The following MED13L variants were observed in gnomAD, a reference collection of about 807,000 sequenced individuals.
The protein encoded by MED13L is mediator of RNA polymerase II transcription subunit 13-like.
A neutral mutation model predicts 220.9 loss-of-function variants in MED13L; 7 were observed. That is an observed-to-expected ratio of 0.03 (90% CI 0.02 to 0.06). MED13L has a LOEUF of 0.06. MED13L is among the 10% of genes least tolerant of loss of function. MED13L has a pLI of 1.00. For missense variants in MED13L, 1,965 were observed against 2,760.5 expected, an observed-to-expected ratio of 0.71 and a Z score of 6.46; for synonymous variants, 1,011 against 1,015.2, an observed-to-expected ratio of 1.00 and a Z score of 0.08.
intron 30 of MED13L, among the ~76,000 whole-genome samples, chr12:115,963,007 C>A (rs1236098300): frequency 6.6e-6 from 1 of 152,088 alleles, no homozygotes; most frequent in African/African-American, 2.4e-5. Flanking sequence ...GGTGACAGAG[C>A]GAGACTCCAT....
At chr12:116,242,860 G>A (rs1870779150) in intron 1 of MED13L, among the ~76,000 whole-genome samples, 1 of 152,162 alleles carries the variant, frequency 6.6e-6, no homozygotes, top group African/African-American at 2.4e-5. Context: ...TTTCCATTCT[G>A]CCATGCTGCT....
At chr12:116,091,385 T>C (rs1872197158) in intron 4 of MED13L, among the ~76,000 whole-genome samples, 1 of 152,102 alleles carries the variant, frequency 6.6e-6, no homozygotes. Flanking sequence ...AAGGAAAAAC[T>C]AGAAGAGTTG....
At chr12:115,975,877 G>C (rs1388152288) in intron 23 of MED13L, 139 bp from the exon 24 acceptor site, 6 of 761,842 alleles carry the variant, frequency 7.9e-6, no homozygotes, top group Non-Finnish European at 1.3e-5. Flanking sequence ...CAGTACTAGA[G>C]ACACATAAAT....
chr12:116,190,941 A>T (rs1353526378), intron 2 of MED13L, among the ~76,000 whole-genome samples: 1 of 151,770 alleles, frequency 6.6e-6, no homozygotes, highest in Non-Finnish European at 1.5e-5. Flanking sequence ...AAAATACAAA[A>T]ATTAGTCGGG....
At chr12:116,035,010 A>G (rs1255096707) in intron 4 of MED13L, among the ~76,000 whole-genome samples, 1 of 152,126 alleles carries the variant, frequency 6.6e-6, no homozygotes, top group African/African-American at 2.4e-5. Flanking sequence ...CTCAAAAACA[A>G]AAACAAAACA....
At chr12:116,116,912 G>A (rs1374969667) in intron 2 of MED13L, among the ~76,000 whole-genome samples, 1 of 149,634 alleles carries the variant, frequency 6.7e-6, no homozygotes, top group Non-Finnish European at 1.5e-5. Flanking sequence ...CATCCTTCTA[G>A]GTATATACTC....
rs568959860 is a variant in MED13L at position 116,029,564 on chromosome 12, T to C, written c.480-6963A>G. On this transcript the variant is annotated intron_variant, in intron 4 of 30. Coordinates refer to ENST00000281928, the MANE Select transcript of MED13L (RefSeq NM_015335.5). The stretch of plus-strand genomic sequence containing the variant: ...AAAGTTAAAAAAATGTAGAAAATCA[T>C]ATGCCAGATGAATTCTAACAAGAAA... Among the ~76,000 whole-genome samples the C allele has an allele frequency of 5.3e-5, 8 of 152,186 alleles. No homozygotes were observed. In the East Asian group the frequency reaches 1.5e-3, roughly 29 times the overall value.
chr12:116,253,756 T>G (rs945295378), intron 1 of MED13L, among the ~76,000 whole-genome samples: 3 of 120,076 alleles, frequency 2.5e-5, no homozygotes, highest in South Asian at 3.0e-4. Context: ...TTTTTTTGTT[T>G]TTTTTTTTTT....
At chr12:116,231,666 A>G (rs1869569257) in intron 2 of MED13L, among the ~76,000 whole-genome samples, 1 of 152,206 alleles carries the variant, frequency 6.6e-6, no homozygotes. Flanking sequence ...AATTATATCG[A>G]TATTAAATTT....
At chr12:116,145,903 G>T (rs764778058) in intron 2 of MED13L, among the ~76,000 whole-genome samples, 3 of 151,720 alleles carry the variant, frequency 2.0e-5, no homozygotes, top group Non-Finnish European at 4.4e-5. Context: ...TGCTTTAATC[G>T]TATGTTCCAG....
At chr12:116,216,759 G>A (rs1172540781) in intron 2 of MED13L, among the ~76,000 whole-genome samples, 1 of 152,154 alleles carries the variant, frequency 6.6e-6, no homozygotes, top group Non-Finnish European at 1.5e-5. Context: ...CAATATAGGG[G>A]ATTCAGCTCC....
At chr12:116,228,359 C>G (rs1282443289) in intron 2 of MED13L, among the ~76,000 whole-genome samples, 1 of 152,162 alleles carries the variant, frequency 6.6e-6, no homozygotes, top group Admixed American at 6.5e-5. Flanking sequence ...CTGTGTCACT[C>G]AGGCTGGACT....
At chr12:116,158,742 A>G (rs1878636609) in intron 2 of MED13L, among the ~76,000 whole-genome samples, 1 of 152,196 alleles carries the variant, frequency 6.6e-6, no homozygotes, top group Admixed American at 6.6e-5. Context: ...GGTAATGTTG[A>G]TAATTTTCAA....
At chr12:116,119,838 A>AAAAAT (rs1555213242) in intron 2 of MED13L, among the ~76,000 whole-genome samples, 21 of 31,578 alleles carry the variant, frequency 6.7e-4, no homozygotes, top group Non-Finnish European at 1.2e-3. Context: ...AAAAAAAAAA[A>AAAAAT]ATATATATAT....
intron 30 of MED13L, among the ~76,000 whole-genome samples, chr12:115,963,048 A>G (rs540370245): frequency 1.3e-5 from 2 of 152,116 alleles, no homozygotes; most frequent in South Asian, 2.1e-4. Context: ...TACATAATCT[A>G]TCTCAGGAAG....
rs1186478220 is a variant in MED13L at position 116,133,418 on chromosome 12, A to ACC, written c.311-21907_311-21906insGG. ...TGGAAACAGCCTGTGCCTGAAGAAG[A>ACC]GCTCAATTCAGCATGACGGTAGACC... On this transcript the variant is annotated intron_variant, in intron 2 of 30. Transcript: ENST00000281928. 8.7e-4 allele frequency among the ~76,000 whole-genome samples: 132 copies of ACC among 152,278 alleles called. 1 individual carries two copies. The Middle Eastern group carries it at 0.017, about 20-fold the overall frequency.
chr12:115,997,673 C>T (rs1258905850), intron 14 of MED13L, among the ~76,000 whole-genome samples: 2 of 152,226 alleles, frequency 1.3e-5, no homozygotes, highest in Non-Finnish European at 2.9e-5. Flanking sequence ...CCGCCTGCCT[C>T]GTACTCCCCA....
Position 116,253,753 on chromosome 12 carries a change from G to GTTTTT in MED13L, c.73-16053_73-16049dup, listed in dbSNP as rs746923184. ...AATACCCACCTTCACGGTTTTTTTTGTTTTTTTTTTTTTTTTTTTTTTTTT... is the reference window on the plus strand; with the variant it reads ...AATACCCACCTTCACGGTTTTTTTTGTTTTTTTTTTTTTTTTTTTTTTTTTTTTTT... On this transcript the variant is annotated intron_variant, in intron 1 of 30. Coordinates refer to ENST00000281928, the MANE Select transcript of MED13L (RefSeq NM_015335.5). 2.0e-4 allele frequency among the ~76,000 whole-genome samples: 15 copies of GTTTTT among 76,496 alleles called. 1 individual carries two copies. The highest frequency in any genetic ancestry group is 4.1e-4 in the East Asian group (1 of 2,436). 50.2% of individuals were successfully genotyped at this position (76,496 alleles called of 152,430 possible). A position where few individuals can be genotyped will look rare whatever the true frequency, so the allele number is the denominator to read the frequency against.
intron 2 of MED13L, among the ~76,000 whole-genome samples, chr12:116,183,868 T>C (rs2138235087): frequency 6.6e-6 from 1 of 151,540 alleles, no homozygotes; most frequent in South Asian, 2.1e-4. Context: ...AAAAAATGTG[T>C]GTATATATAG....
Sources: allele counts gnomAD v4.1 joint callset (sites outside exome capture counted in the v4.1 genomes callset), GRCh38; gene constraint gnomAD v4.1.1; transcripts MANE v1.5; gene names NCBI Gene and HGNC (gene_info 2026-07-23, HGNC 2026-07-21).